Variants in TRPM6 observed in about 807,000 individuals in gnomAD.
The protein encoded by TRPM6 is transient receptor potential cation channel subfamily M member 6.
A neutral mutation model predicts 247.6 loss-of-function variants in TRPM6; 111 were observed. The ratio of observed to expected loss-of-function variants is 0.45; its 90% CI spans 0.38 to 0.52. TRPM6 has a LOEUF of 0.52. Ranked by LOEUF, TRPM6 falls within the 20% of genes least tolerant of loss-of-function variation. TRPM6 has a pLI of 0.00. For synonymous variants in TRPM6, 892 were observed against 853.8 expected, an observed-to-expected ratio of 1.04 and a Z score of -0.78; for missense variants, 2,126 against 2,421.5, an observed-to-expected ratio of 0.88 and a Z score of 2.56.
Position 74,842,111 on chromosome 9 carries a change from C to CG in TRPM6, c.330+54dup, listed in dbSNP as rs1163236628. 2.1e-6 allele frequency: 3 copies of CG among 1,413,110 alleles called. No individual in the cohort carries two copies. In the African/African-American group the frequency reaches 4.5e-5, roughly 21 times the overall value. The allele number at this position is 1,413,110 out of a possible 1,614,324, so 87.5% of individuals were successfully genotyped here. Reference sequence around the variant, plus strand: ...GGGCAACAAGAGCAAAACCCCGTCTCGAAAAAAAAAAAAAAAGAAAGAAAC... The same window carrying CG: ...GGGCAACAAGAGCAAAACCCCGTCTCGGAAAAAAAAAAAAAAAGAAAGAAAC... On this transcript the variant is annotated intron_variant, in intron 4 of 38. Transcript: ENST00000360774.
chr9:74,772,186 G>A (rs1329371759), intron 24 of TRPM6, among the ~76,000 whole-genome samples: 1 of 152,184 alleles, frequency 6.6e-6, no homozygotes, highest in Non-Finnish European at 1.5e-5. Context: ...AACTGAGGCA[G>A]AAGGATGGCT....
intron 25 of TRPM6, among the ~76,000 whole-genome samples, chr9:74,763,897 G>A (rs1826739041): frequency 6.6e-6 from 1 of 152,178 alleles, no homozygotes; most frequent in Non-Finnish European, 1.5e-5. Flanking sequence ...GCTCAGGCCT[G>A]TAATCCCAGC....
intron 8 of TRPM6, 142 bp from the exon 9 acceptor site, chr9:74,820,569 C>A: frequency 1.8e-5 from 18 of 1,004,638 alleles, no homozygotes; most frequent in Non-Finnish European, 2.6e-5. Context: ...TGAGGGGGAG[C>A]AAACGGAAGC....
At chr9:74,855,501 A>T in intron 3 of TRPM6, 26 bp downstream of exon 3, 1 of 1,570,128 alleles carries the variant, frequency 6.4e-7, no homozygotes, top group South Asian at 1.1e-5. Context: ...AAAAGCTAAA[A>T]GGAATCTTGC....
intron 1 of TRPM6, among the ~76,000 whole-genome samples, chr9:74,860,321 ATTAT>A (rs975740648): frequency 9.2e-5 from 14 of 151,976 alleles, no homozygotes; most frequent in Admixed American, 6.6e-5. Flanking sequence ...ATACAATGTA[ATTAT>A]TTATTTATTT....
chr9:74,800,960 G>A (rs1392768869), intron 16 of TRPM6, among the ~76,000 whole-genome samples: 1 of 149,980 alleles, frequency 6.7e-6, no homozygotes, highest in Non-Finnish European at 1.5e-5. Context: ...AGCAAGTAAG[G>A]AAAGCTGTGG....
At chr9:74,800,924 CA>C (rs1235094317) in intron 16 of TRPM6, among the ~76,000 whole-genome samples, 1 of 111,426 alleles carries the variant, frequency 9.0e-6, no homozygotes, top group African/African-American at 4.0e-5. Flanking sequence ...TTTTTTTTGA[CA>C]AAAAAAACTA....
intron 9 of TRPM6, among the ~76,000 whole-genome samples, chr9:74,818,413 C>T (rs1196493744): frequency 2.0e-5 from 3 of 148,758 alleles, no homozygotes; most frequent in Non-Finnish European, 4.4e-5. Context: ...AGCGATTCTC[C>T]TGCCTAAGCC....
intron 2 of TRPM6, among the ~76,000 whole-genome samples, chr9:74,855,965 A>G (rs1335932524): frequency 1.3e-5 from 2 of 152,238 alleles, no homozygotes; most frequent in Non-Finnish European, 2.9e-5. Flanking sequence ...TTATTAAACT[A>G]TGAAGATAAC....
chr9:74,792,989 T>C (rs2118975962), intron 18 of TRPM6, among the ~76,000 whole-genome samples: 1 of 152,210 alleles, frequency 6.6e-6, no homozygotes, highest in African/African-American at 2.4e-5. Context: ...AAACCCTGCC[T>C]CTACTAAAAA....
chr9:74,740,132 G>C, intron 33 of TRPM6, 123 bp from the exon 34 acceptor site: 3 of 1,073,624 alleles, frequency 2.8e-6, no homozygotes, highest in Non-Finnish European at 4.1e-6. Flanking sequence ...AATGGGACTA[G>C]CAGGGAACAG....
chr9:74,805,559 T>A (rs201099533), intron 14 of TRPM6, among the ~76,000 whole-genome samples: 3 of 152,208 alleles, frequency 2.0e-5, no homozygotes, highest in African/African-American at 7.2e-5. Context: ...TGTCTCAGAA[T>A]GTGACAAATA....
At chr9:74,833,190 C>CT (rs970970464) in intron 6 of TRPM6, among the ~76,000 whole-genome samples, 18 of 152,050 alleles carry the variant, frequency 1.2e-4, no homozygotes, top group African/African-American at 3.9e-4. Flanking sequence ...TAAATACACA[C>CT]TTTTTTTGCT....
chr9:74,738,837 A>G (rs2118732133), intron 35 of TRPM6, among the ~76,000 whole-genome samples: 1 of 152,296 alleles, frequency 6.6e-6, no homozygotes, highest in Non-Finnish European at 1.5e-5. Context: ...CAACTCTTTT[A>G]TGAGTACCAG....
chr9:74,785,647 T>G (rs935562384), intron 21 of TRPM6, among the ~76,000 whole-genome samples: 1 of 152,090 alleles, frequency 6.6e-6, no homozygotes, highest in African/African-American at 2.4e-5. Context: ...CTCAGCCTCC[T>G]GAGTAGCTGG....
At position 74,796,721 on chromosome 9, in the gene TRPM6, CATT is replaced by C; in HGVS notation, c.2391+17_2391+19del. 6.2e-7 allele frequency: 1 copy of C among 1,613,260 alleles called. No homozygotes were observed. Among genetic ancestry groups the C allele is most frequent in the Non-Finnish European group, 8.5e-7 (1 of 1,179,310 alleles). On this transcript the variant is annotated intron_variant, in intron 18 of 38. Coordinates refer to ENST00000360774, the MANE Select transcript of TRPM6 (RefSeq NM_017662.5). ...CAGTCAATACAATGAAAATTCAGTT[CATT>C]ATGATTTTGCACTAACCACAGAAGC... is the stretch of plus-strand genomic sequence containing the variant.
chr9:74,784,525 C>T lies in TRPM6; in HGVS notation c.2919+1349G>A, dbSNP rs75882220. ...AACAGTGTGTGGCCTATAGTAAGCA[C>T]GATTTAAGAGTGTGATGGTAGGGGA... On this transcript the variant is annotated intron_variant, in intron 21 of 38. Transcript: ENST00000360774. 2.7e-3 allele frequency among the ~76,000 whole-genome samples: 417 copies of T among 152,180 alleles called. 2 individuals carry two copies. The highest frequency in any genetic ancestry group is 9.2e-3 in the African/African-American group (382 of 41,524).
chr9:74,807,466 T>A (rs1261540861), intron 14 of TRPM6, among the ~76,000 whole-genome samples: 1 of 152,204 alleles, frequency 6.6e-6, no homozygotes, highest in African/African-American at 2.4e-5. Flanking sequence ...AAATAGGCAA[T>A]GTTTCCTCTG....
chr9:74,834,537 A>T (rs151248278), intron 5 of TRPM6, among the ~76,000 whole-genome samples: 2,047 of 151,958 alleles, frequency 0.013, 53 homozygotes, highest in African/African-American at 0.048. Flanking sequence ...ATATGTATAC[A>T]TGTGCCATGT....
Sources: gnomAD v4.1 joint callset for allele counts (sites outside exome capture counted in the v4.1 genomes callset) on GRCh38, gnomAD v4.1.1 for gene constraint, MANE v1.5 for transcripts, NCBI Gene and HGNC (gene_info 2026-07-23, HGNC 2026-07-21) for gene names.